Variants in EPB41L4B observed in about 807,000 individuals in gnomAD.
EPB41L4B encodes the protein band 4.1-like protein 4B.
In EPB41L4B, 30 loss-of-function variants were observed where a neutral mutation model predicts 112.5. That is an observed-to-expected ratio of 0.27 (90% CI 0.20 to 0.36). EPB41L4B has a LOEUF of 0.36. Ranked by LOEUF, EPB41L4B falls within the 10% of genes least tolerant of loss-of-function variation. The pLI, the probability that EPB41L4B is intolerant of heterozygous loss-of-function variation, is 1.00. For missense variants in EPB41L4B, 1,024 were observed against 1,133.3 expected (o/e 0.90, Z 1.38); for synonymous variants, 408 against 439.7 (o/e 0.93, Z 0.90).
chr9:109,304,918 T>A (rs1295343963), intron 1 of EPB41L4B, among the ~76,000 whole-genome samples: 1 of 152,074 alleles, frequency 6.6e-6, no homozygotes, highest in South Asian at 2.1e-4. Flanking sequence ...GGTAGAGGGT[T>A]TCCTTTTGGG....
At chr9:109,219,455 G>T (rs1442841235) in intron 15 of EPB41L4B, among the ~76,000 whole-genome samples, 1 of 152,090 alleles carries the variant, frequency 6.6e-6, no homozygotes, top group African/African-American at 2.4e-5. Context: ...CCGCCTCCCG[G>T]GTTCACGCCA....
At chr9:109,215,705 A>C (rs1163170545) in intron 16 of EPB41L4B, among the ~76,000 whole-genome samples, 1 of 152,238 alleles carries the variant, frequency 6.6e-6, no homozygotes, top group Non-Finnish European at 1.5e-5. Flanking sequence ...TTCATACCAA[A>C]GATGAATTCT....
chr9:109,314,138 G>A (rs939515380), intron 1 of EPB41L4B, among the ~76,000 whole-genome samples: 1 of 152,198 alleles, frequency 6.6e-6, no homozygotes, highest in African/African-American at 2.4e-5. Context: ...CACTGGAGGA[G>A]AAGGCTCCAG....
intron 1 of EPB41L4B, among the ~76,000 whole-genome samples, chr9:109,287,137 G>A (rs1836318209): frequency 6.6e-6 from 1 of 152,170 alleles, no homozygotes; most frequent in South Asian, 2.1e-4. Flanking sequence ...AAAGACTGGG[G>A]CAGGCAGGCA....
chr9:109,192,186 A>G, intron 22 of EPB41L4B, 92 bp downstream of exon 22: 7 of 1,019,340 alleles, frequency 6.9e-6, no homozygotes, highest in Non-Finnish European at 1.0e-5. Context: ...GAGGCTCCTC[A>G]ACAGCAATGC....
intron 1 of EPB41L4B, among the ~76,000 whole-genome samples, chr9:109,302,801 T>C (rs1270827231): frequency 6.6e-6 from 1 of 152,202 alleles, no homozygotes; most frequent in East Asian, 1.9e-4. Context: ...AGGGTGCAGC[T>C]GCCTCCCTGG....
At chr9:109,259,032 C>G (rs559189444) in intron 6 of EPB41L4B, among the ~76,000 whole-genome samples, 1 of 152,130 alleles carries the variant, frequency 6.6e-6, no homozygotes, top group Non-Finnish European at 1.5e-5. Flanking sequence ...CACTCTCCCC[C>G]ACCCCCTGCA....
intron 15 of EPB41L4B, among the ~76,000 whole-genome samples, chr9:109,220,327 G>C (rs1246962812): frequency 1.3e-5 from 2 of 152,206 alleles, no homozygotes; most frequent in African/African-American, 4.8e-5. Flanking sequence ...GGGAGACTAA[G>C]ACAGGCTGGG....
intron 1 of EPB41L4B, among the ~76,000 whole-genome samples, chr9:109,302,249 G>A (rs767200793): frequency 9.2e-5 from 14 of 152,084 alleles, no homozygotes; most frequent in Admixed American, 6.6e-4. Flanking sequence ...GTACACAGCG[G>A]GTCCTCAATA....
chr9:109,255,730 C>A (rs185730758), intron 10 of EPB41L4B, 44 bp downstream of exon 10: 14 of 1,611,772 alleles, frequency 8.7e-6, no homozygotes, highest in Non-Finnish European at 1.2e-5. Context: ...AACCCCAACA[C>A]AGGATTTTCA....
Position 109,247,774 on chromosome 9 carries a change from T to G in EPB41L4B, c.1326A>C (p.Pro442=). 1 of 1,503,580 alleles carries G rather than the reference T, an allele frequency of 6.7e-7. No individual in the cohort carries two copies. Among genetic ancestry groups the G allele is most frequent in the Non-Finnish European group, 8.9e-7 (1 of 1,125,884 alleles). 93.1% of individuals were successfully genotyped at this position (1,503,580 alleles called of 1,614,324 possible). The change falls in exon 14 of 26, where the codon CCA becomes CCC. Residue 442 remains proline (P), a synonymous_variant. Transcript: ENST00000374566. Reference sequence around the variant, plus strand: ...ATCTTACCTGGTAATTATGGACTTCTGGATTTGTTTTAGAGCTAAACAAAC... The same window carrying G: ...ATCTTACCTGGTAATTATGGACTTCGGGATTTGTTTTAGAGCTAAACAAAC... ...IAAQLCSKTN[P]EVHNYQPQYH... is the part of the protein sequence containing the mutation.
chr9:109,258,877 G>C (rs1407570258), intron 6 of EPB41L4B, among the ~76,000 whole-genome samples: 1 of 152,164 alleles, frequency 6.6e-6, no homozygotes, highest in East Asian at 1.9e-4. Flanking sequence ...CAGCTGTGCA[G>C]AAAGGAGGGA....
intron 6 of EPB41L4B, among the ~76,000 whole-genome samples, chr9:109,261,973 CAT>C (rs1465898862): frequency 1.3e-5 from 2 of 152,132 alleles, no homozygotes; most frequent in Admixed American, 1.3e-4. Flanking sequence ...GAGTGCACAA[CAT>C]ATGTCTATCT....
At chr9:109,263,806 T>C (rs1287867338) in intron 5 of EPB41L4B, among the ~76,000 whole-genome samples, 2 of 152,184 alleles carry the variant, frequency 1.3e-5, no homozygotes, top group Admixed American at 6.5e-5. Context: ...TCCCATTATA[T>C]AGATGAGGAA....
At chr9:109,285,332 G>A (rs1484247025) in intron 1 of EPB41L4B, among the ~76,000 whole-genome samples, 1 of 152,172 alleles carries the variant, frequency 6.6e-6, no homozygotes, top group Non-Finnish European at 1.5e-5. Context: ...GCTCGAGGTG[G>A]AGGTTGGGAA....
chr9:109,206,534 TATA>T (rs894905743), intron 18 of EPB41L4B, among the ~76,000 whole-genome samples: 2 of 152,322 alleles, frequency 1.3e-5, no homozygotes, highest in African/African-American at 2.4e-5. Context: ...TGCAGCTTTT[TATA>T]ATATTTCCAG....
intron 4 of EPB41L4B, among the ~76,000 whole-genome samples, chr9:109,267,259 G>C (rs947869544): frequency 6.6e-6 from 1 of 152,186 alleles, no homozygotes; most frequent in Non-Finnish European, 1.5e-5. Context: ...ACAAGAAAAT[G>C]TATCTTCTAA....
chr9:109,276,344 G>A (rs1013882750), intron 2 of EPB41L4B, among the ~76,000 whole-genome samples: 3 of 151,948 alleles, frequency 2.0e-5, no homozygotes, highest in Non-Finnish European at 4.4e-5. Context: ...TTGAAGGATG[G>A]CTGGGAGTTT....
Position 109,256,116 on chromosome 9 carries a change from A to T in EPB41L4B, c.929+20T>A. ...CAAAATAGGAAAAGACATTTTTAAT[A>T]TTAGACAAAACTAAATTACCAAAAG... On this transcript the variant is annotated intron_variant, in intron 9 of 25. Transcript: ENST00000374566. 2.5e-6 allele frequency: 4 copies of T among 1,593,646 alleles called. No individual in the cohort carries two copies. The highest frequency in any genetic ancestry group is 1.7e-4 in the Middle Eastern group (1 of 6,012).
Sources: allele counts gnomAD v4.1 joint callset (sites outside exome capture counted in the v4.1 genomes callset), GRCh38; gene constraint gnomAD v4.1.1; transcripts MANE v1.5; gene names NCBI Gene and HGNC (gene_info 2026-07-23, HGNC 2026-07-21).